The following AGTPBP1 variants were observed in gnomAD, a reference collection of about 807,000 sequenced individuals.
The protein encoded by AGTPBP1 is cytosolic carboxypeptidase 1.
Under a neutral mutation model 143.9 loss-of-function variants are expected in AGTPBP1, and 70 were observed. The ratio of observed to expected loss-of-function variants is 0.49; its 90% confidence interval spans 0.40 to 0.59. The LOEUF is 0.59. AGTPBP1 is among the 20% of genes least tolerant of loss of function. AGTPBP1 has a pLI of 0.00. For synonymous variants in AGTPBP1, 463 were observed against 500.2 expected, an observed-to-expected ratio of 0.93 and a Z score of 0.99; for missense variants, 1,229 against 1,464.5, an observed-to-expected ratio of 0.84 and a Z score of 2.62.
chr9:85,783,008 CT>C, the AGTPBP1 span, among the ~76,000 whole-genome samples: 1 of 152,082 alleles, frequency 6.6e-6, no homozygotes, highest in Non-Finnish European at 1.5e-5. Context: ...TTTGAGGTAT[CT>C]GATATTAGAC....
intron 17 of AGTPBP1, among the ~76,000 whole-genome samples, chr9:85,603,446 C>T (rs143355768): frequency 2.0e-3 from 310 of 152,266 alleles, no homozygotes; most frequent in African/African-American, 7.2e-3. Flanking sequence ...GGGAACAACC[C>T]AGTCCTGGCA....
chr9:85,676,112 CATTGGAGAA>C (rs1243773739), intron 6 of AGTPBP1, among the ~76,000 whole-genome samples: 1 of 152,084 alleles, frequency 6.6e-6, no homozygotes, highest in African/African-American at 2.4e-5. Context: ...CATAAGAAAA[CATTGGAGAA>C]ATGCTTCCGG....
intron 25 of AGTPBP1, among the ~76,000 whole-genome samples, chr9:85,565,954 A>G (rs760397438): frequency 7.9e-5 from 12 of 152,226 alleles, no homozygotes; most frequent in Non-Finnish European, 7.3e-5. Context: ...ACTAAAGGAT[A>G]AAGTCTAATG....
chr9:85,629,727 T>G (rs1831535999), intron 14 of AGTPBP1, among the ~76,000 whole-genome samples: 1 of 152,226 alleles, frequency 6.6e-6, no homozygotes, highest in Non-Finnish European at 1.5e-5. Flanking sequence ...TACAATCAAG[T>G]AAACGGAGTT....
chr9:85,689,626 G>A (rs1641614081), intron 3 of AGTPBP1, among the ~76,000 whole-genome samples: 1 of 151,940 alleles, frequency 6.6e-6, no homozygotes, highest in Non-Finnish European at 1.5e-5. Flanking sequence ...CGGGCACAGT[G>A]GCTCACGCCT....
chr9:85,776,675 T>G, the AGTPBP1 span, among the ~76,000 whole-genome samples: 1 of 152,184 alleles, frequency 6.6e-6, no homozygotes, highest in South Asian at 2.1e-4. Context: ...CCTGCTGACT[T>G]AATGGTAGGT....
chr9:85,679,901 T>C (rs1313555435), intron 4 of AGTPBP1, among the ~76,000 whole-genome samples: 2 of 152,182 alleles, frequency 1.3e-5, no homozygotes, highest in Non-Finnish European at 2.9e-5. Context: ...TTAAAATTCA[T>C]CTCTCTTTCT....
At chr9:85,612,792 T>C (rs1830393999) in intron 17 of AGTPBP1, among the ~76,000 whole-genome samples, 1 of 151,772 alleles carries the variant, frequency 6.6e-6, no homozygotes. Flanking sequence ...GTCTGGAGAG[T>C]AGAAGAACTG....
At chr9:85,747,979 T>C in the AGTPBP1 span, among the ~76,000 whole-genome samples, 36,752 of 152,016 alleles carry the variant, frequency 0.24, 7,530 homozygotes, top group East Asian at 0.78. Flanking sequence ...TCTTAGTTTT[T>C]TTCATCCTAA....
At chr9:85,657,756 T>C (rs1587842272) in intron 9 of AGTPBP1, 113 bp from the exon 10 acceptor site, 1 of 667,170 alleles carries the variant, frequency 1.5e-6, no homozygotes, top group Non-Finnish European at 2.3e-6. Flanking sequence ...ATAATTCTTT[T>C]TTCCAAAACA....
intron 2 of AGTPBP1, among the ~76,000 whole-genome samples, chr9:85,701,078 A>G (rs541651482): frequency 2.0e-5 from 3 of 148,120 alleles, no homozygotes; most frequent in Admixed American, 2.0e-4. Context: ...CCACCATGCC[A>G]GGCTAAGTTT....
chr9:85,619,238 C>T lies in AGTPBP1; in HGVS notation c.2163G>A (p.Leu721=). ...ACTTTCTAATTTGAATTACTTTGCG[C>T]AGATTCCCAGACTCAAATTTGGAGT... is the stretch of plus-strand genomic sequence containing the variant. The part of the protein sequence containing the change: ...KFNSKFESGN[L]RKVIQIRKNE... The change falls in exon 16 of 26, where the codon CTG becomes CTA. Residue 721 remains leucine, a synonymous_variant. Transcript: ENST00000357081. The T allele has an allele frequency of 6.2e-7, 1 of 1,613,286 alleles. No individual in the cohort carries two copies. The highest frequency in any genetic ancestry group is 8.5e-7 in the Non-Finnish European group (1 of 1,179,636).
intron 1 of AGTPBP1, among the ~76,000 whole-genome samples, chr9:85,717,675 CCTT>C (rs953772158): frequency 1.4e-5 from 2 of 147,810 alleles, no homozygotes; most frequent in Non-Finnish European, 3.0e-5. Flanking sequence ...GGATGAGTAT[CCTT>C]TTTTTTTTTT....
At chr9:85,747,148 T>A in the AGTPBP1 span, among the ~76,000 whole-genome samples, 12 of 152,316 alleles carry the variant, frequency 7.9e-5, no homozygotes, top group South Asian at 1.7e-3. Flanking sequence ...TGAGCCACCA[T>A]GCTTGGCCCC....
At chr9:85,676,365 A>G (rs1834830932) in intron 6 of AGTPBP1, among the ~76,000 whole-genome samples, 1 of 152,156 alleles carries the variant, frequency 6.6e-6, no homozygotes, top group Non-Finnish European at 1.5e-5. Flanking sequence ...AAAAAAAAAG[A>G]GAAAGGATTT....
intron 14 of AGTPBP1, among the ~76,000 whole-genome samples, chr9:85,628,538 A>G (rs930371263): frequency 5.3e-5 from 8 of 152,206 alleles, no homozygotes; most frequent in Non-Finnish European, 1.0e-4. Flanking sequence ...ATCTCCATCA[A>G]GGTCGTGAAA....
intron 25 of AGTPBP1, among the ~76,000 whole-genome samples, chr9:85,565,681 C>T (rs962744939): frequency 3.9e-5 from 6 of 152,164 alleles, no homozygotes; most frequent in Non-Finnish European, 7.4e-5. Context: ...TGATTCCATG[C>T]TGCCAAATGC....
At chr9:85,763,202 A>C in the AGTPBP1 span, among the ~76,000 whole-genome samples, 1 of 152,122 alleles carries the variant, frequency 6.6e-6, no homozygotes, top group Non-Finnish European at 1.5e-5. Context: ...AAACCCTCAC[A>C]TCAAGCCTGT....
chr9:85,730,944 A>G (rs1838839634), intron 1 of AGTPBP1, among the ~76,000 whole-genome samples: 1 of 152,208 alleles, frequency 6.6e-6, no homozygotes, highest in Non-Finnish European at 1.5e-5. Context: ...ACAATTCTTT[A>G]AACTATTTAG....
Sources: gnomAD v4.1 joint callset for allele counts (sites outside exome capture counted in the v4.1 genomes callset) on GRCh38, gnomAD v4.1.1 for gene constraint, MANE v1.5 for transcripts, NCBI Gene and HGNC (gene_info 2026-07-23, HGNC 2026-07-21) for gene names.